ODF1: variants seen among roughly 807,000 people sequenced by gnomAD.
ODF1 encodes outer dense fiber protein 1.
ODF1 carries 10 observed loss-of-function variants against 24.0 expected under a neutral mutation model. The observed-to-expected ratio is 0.42, with a 90% CI of 0.26 to 0.71. The LOEUF is 0.71. ODF1 is among the 30% of genes least tolerant of loss of function. The pLI is 0.28. For synonymous variants in ODF1, 118 were observed against 121.3 expected (o/e 0.97, Z 0.18); for missense variants, 282 against 307.9 (o/e 0.92, Z 0.63).
chr8:102,552,137 C>T (rs1415058259), intron 1 of ODF1, 90 bp downstream of exon 1: 9 of 933,298 alleles, frequency 9.6e-6, no homozygotes, highest in Non-Finnish European at 1.4e-5. Flanking sequence ...AATAGTTGAA[C>T]AAAGATTAAA....
chr8:102,560,368 A>G (rs1826163587), intron 1 of ODF1, 84 bp from the exon 2 acceptor site: 2 of 1,310,994 alleles, frequency 1.5e-6, no homozygotes, highest in Non-Finnish European at 2.1e-6. Context: ...TTCAAAAGCT[A>G]GAAATCAAAA....
In ODF1 at chr8:102,560,843, C is replaced by A. The variant is rs1189509448; in HGVS notation, c.712C>A (p.Pro238Thr). The change falls in exon 2 of 2, where the codon CCC becomes ACC. Residue 238 changes from proline (P) to threonine (T), a missense_variant. Coordinates refer to ENST00000285402, the MANE Select transcript of ODF1 (RefSeq NM_024410.4). ...SPYDPCNPCY[P>T]CGSRFSCRKM... ...ATATGATCCTTGCAACCCGTGTTAT[C>A]CCTGTGGAAGCCGATTTTCCTGTAG... is the stretch of plus-strand genomic sequence containing the variant. The A allele has an allele frequency of 1.2e-6, 2 of 1,613,236 alleles. No individual in the cohort carries two copies. The highest frequency in any genetic ancestry group is 1.1e-5 in the South Asian group (1 of 91,018).
intron 1 of ODF1, among the ~76,000 whole-genome samples, chr8:102,552,972 G>A (rs995098549): frequency 7.7e-6 from 1 of 129,326 alleles, no homozygotes; most frequent in African/African-American, 3.0e-5. Context: ...CTGATAGACA[G>A]ATGACAGATA....
Position 102,553,668 on chromosome 8 carries a change from C to T in ODF1, c.320+1621C>T, listed in dbSNP as rs1023191363. ...ACCCTTGTCCAGGTCTTTCCAGCCT[C>T]TGTCTTCCTGGCTTCTCTCCTATCC... is the stretch of plus-strand genomic sequence containing the variant. On this transcript the variant is annotated intron_variant, in intron 1 of 1. Transcript: ENST00000285402. Among the ~76,000 whole-genome samples, 3 of 152,324 alleles carry T rather than the reference C, an allele frequency of 2.0e-5. 1 individual carries two copies. Among genetic ancestry groups the T allele is most frequent in the South Asian group, 4.1e-4 (2 of 4,826 alleles).
intron 1 of ODF1, 44 bp downstream of exon 1, chr8:102,552,091 C>A: frequency 7.0e-7 from 1 of 1,425,196 alleles, no homozygotes; most frequent in Non-Finnish European, 9.5e-7. Flanking sequence ...GTATATTAGC[C>A]TTATAAGTTG....
chr8:102,557,908 C>T (rs1207872254), intron 1 of ODF1, among the ~76,000 whole-genome samples: 2 of 152,214 alleles, frequency 1.3e-5, no homozygotes, highest in African/African-American at 4.8e-5. Context: ...GGCTTTAAGC[C>T]TGTAATCTAT....
intron 1 of ODF1, among the ~76,000 whole-genome samples, chr8:102,554,824 G>A (rs753963806): frequency 6.6e-6 from 1 of 152,142 alleles, no homozygotes; most frequent in Non-Finnish European, 1.5e-5. Context: ...CAAGTGTGGT[G>A]GCACATGCTT....
chr8:102,559,044 C>T lies in ODF1; in HGVS notation c.321-1408C>T, dbSNP rs574815897. 1.9e-4 allele frequency among the ~76,000 whole-genome samples: 25 copies of T among 130,322 alleles called. No individual in the cohort carries two copies. The East Asian group carries it at 4.4e-3, about 23-fold the overall frequency. The allele number at this position is 130,322 out of a possible 152,430, so 85.5% of individuals were successfully genotyped here. On this transcript the variant is annotated intron_variant, in intron 1 of 1. Transcript: ENST00000285402. The stretch of plus-strand genomic sequence containing the variant: ...AACATGCTTAGCACCTTCCACAGCA[C>T]ATTGCAAAAAAAAAAAAAAGAAAAG...
chr8:102,556,423 TG>T (rs1480317347), intron 1 of ODF1, among the ~76,000 whole-genome samples: 21 of 80,292 alleles, frequency 2.6e-4, no homozygotes, highest in African/African-American at 1.0e-3. Context: ...TGTTTTTTGT[TG>T]TTGTTGTTGT....
At position 102,551,625 on chromosome 8, in the gene ODF1, C is replaced by G. The variant is rs894574542; in HGVS notation, c.-103C>G. ...TTTAAAGTAAGTGAATCATGTGTGC[C>G]TCATTTATTTTTAAAAGCAACTTCT... On this transcript the variant is annotated 5_prime_UTR_variant, in exon 1 of 2. Transcript: ENST00000285402. The G allele has an allele frequency of 1.2e-6, 1 of 845,418 alleles. No individual in the cohort carries two copies. The highest frequency in any genetic ancestry group is 2.5e-4 in the Middle Eastern group (1 of 3,936). 52.4% of individuals were successfully genotyped at this position (845,418 alleles called of 1,614,324 possible).
intron 1 of ODF1, among the ~76,000 whole-genome samples, chr8:102,558,096 C>T (rs1240990797): frequency 6.6e-6 from 1 of 152,190 alleles, no homozygotes; most frequent in Non-Finnish European, 1.5e-5. Context: ...CCCTGGCACA[C>T]CCAGGGCAAG....
intron 1 of ODF1, 129 bp from the exon 2 acceptor site, chr8:102,560,323 T>G (rs57773710): frequency 0.39 from 329,326 of 834,420 alleles, 66,920 homozygotes; most frequent in South Asian, 0.58. Flanking sequence ...TGTGTAAAGT[T>G]TATTTTCACA....
chr8:102,555,413 C>T (rs755307138), intron 1 of ODF1, among the ~76,000 whole-genome samples: 1 of 152,196 alleles, frequency 6.6e-6, no homozygotes, highest in African/African-American at 2.4e-5. Flanking sequence ...GTACTCTTTA[C>T]CGGTACCTAG....
chr8:102,555,870 A>G (rs1055370876), intron 1 of ODF1, among the ~76,000 whole-genome samples: 5 of 152,126 alleles, frequency 3.3e-5, no homozygotes, highest in African/African-American at 1.2e-4. Flanking sequence ...GCTGCCTCTC[A>G]TCATAGACTC....
intron 1 of ODF1, among the ~76,000 whole-genome samples, chr8:102,556,430 GTTGTT>G (rs60629836): frequency 0.089 from 11,412 of 128,280 alleles, 485 homozygotes; most frequent in Non-Finnish European, 0.11. Flanking sequence ...TGTTGTTGTT[GTTGTT>G]TTGTTTTGTT....
chr8:102,557,024 C>T (rs1361505750), intron 1 of ODF1, among the ~76,000 whole-genome samples: 4 of 152,090 alleles, frequency 2.6e-5, no homozygotes, highest in Non-Finnish European at 5.9e-5. Context: ...CAGCATGTTT[C>T]ATATTCGGGA....
chr8:102,554,554 T>C (rs1172034799), intron 1 of ODF1, among the ~76,000 whole-genome samples: 2 of 152,226 alleles, frequency 1.3e-5, no homozygotes, highest in South Asian at 2.1e-4. Context: ...GTAAAAAGCC[T>C]CAACCAACAA....
chr8:102,554,476 C>T lies in ODF1; in HGVS notation c.320+2429C>T, dbSNP rs116121816. On this transcript the variant is annotated intron_variant, in intron 1 of 1. Transcript: ENST00000285402. ...ACTCTATAGTCTATAGTTGCCTTGG[C>T]CCCCTTGAAACTGTTTTTCTGTGTC... is the stretch of plus-strand genomic sequence containing the variant. Among the ~76,000 whole-genome samples, 9 of 152,306 alleles carry T rather than the reference C, an allele frequency of 5.9e-5. No individual in the cohort carries two copies. In the South Asian group the frequency reaches 1.2e-3, roughly 21 times the overall value.
At chr8:102,559,837 G>A (rs181853183) in intron 1 of ODF1, among the ~76,000 whole-genome samples, 7 of 151,634 alleles carry the variant, frequency 4.6e-5, no homozygotes, top group Admixed American at 3.9e-4. Flanking sequence ...GTAGGGCTGG[G>A]TTCGAAAGCT....
Sources: allele counts gnomAD v4.1 joint callset (sites outside exome capture counted in the v4.1 genomes callset), GRCh38; gene constraint gnomAD v4.1.1; transcripts MANE v1.5; gene names NCBI Gene and HGNC (gene_info 2026-07-23, HGNC 2026-07-21).